CPPED1: variants seen among roughly 807,000 people sequenced by gnomAD.
The protein encoded by CPPED1 is serine/threonine-protein phosphatase CPPED1.
A neutral mutation model predicts 28.0 loss-of-function variants in CPPED1; 28 were observed. The ratio of observed to expected loss-of-function variants is 1.00; its 90% CI spans 0.74 to 1.37. CPPED1 has a LOEUF of 1.37. CPPED1 is among the 40% of genes most tolerant of loss of function. CPPED1 has a pLI of 0.00. For synonymous variants in CPPED1, 198 were observed against 180.2 expected, an observed-to-expected ratio of 1.10 and a Z score of -0.79; for missense variants, 504 against 416.5, an observed-to-expected ratio of 1.21 and a Z score of -1.83.
intron 2 of CPPED1, among the ~76,000 whole-genome samples, chr16:12,749,662 T>A (rs1334261561): frequency 1.3e-5 from 2 of 152,208 alleles, no homozygotes; most frequent in Non-Finnish European, 2.9e-5. Flanking sequence ...CAATCTCAGC[T>A]CACTGCAACC....
chr16:12,666,412 G>A (rs1037789241), intron 3 of CPPED1, among the ~76,000 whole-genome samples: 14 of 152,214 alleles, frequency 9.2e-5, no homozygotes, highest in Non-Finnish European at 2.9e-5. Context: ...CTGGCTCCCT[G>A]CTGGAAGAAG....
At chr16:12,667,670 A>G (rs971427458) in intron 3 of CPPED1, among the ~76,000 whole-genome samples, 1 of 152,216 alleles carries the variant, frequency 6.6e-6, no homozygotes, top group Non-Finnish European at 1.5e-5. Context: ...AAAACTGAGG[A>G]AATGATCCAG....
chr16:12,791,819 T>G (rs2080598423), intron 1 of CPPED1, among the ~76,000 whole-genome samples: 2 of 152,208 alleles, frequency 1.3e-5, no homozygotes, highest in Admixed American at 6.5e-5. Context: ...ATCAGCAGCT[T>G]TTATTATTGA....
chr16:12,724,748 G>A (rs1596460995), intron 2 of CPPED1, among the ~76,000 whole-genome samples: 1 of 152,138 alleles, frequency 6.6e-6, no homozygotes, highest in Non-Finnish European at 1.5e-5. Flanking sequence ...AATGGAAAGC[G>A]TTTTGCATCT....
intron 1 of CPPED1, among the ~76,000 whole-genome samples, chr16:12,788,336 T>C (rs529299987): frequency 1.3e-5 from 2 of 152,316 alleles, no homozygotes; most frequent in South Asian, 2.1e-4. Flanking sequence ...AATATAAACC[T>C]GAGGGCTAGT....
chr16:12,748,034 C>T (rs993269585), intron 2 of CPPED1, among the ~76,000 whole-genome samples: 1 of 152,164 alleles, frequency 6.6e-6, no homozygotes, highest in South Asian at 2.1e-4. Flanking sequence ...AGTGGACATT[C>T]GCACACATTT....
chr16:12,756,024 G>A (rs8054997), intron 2 of CPPED1, among the ~76,000 whole-genome samples: 7,032 of 152,126 alleles, frequency 0.046, 453 homozygotes, highest in African/African-American at 0.14. Flanking sequence ...CCAGCTACTC[G>A]GGAGGCTGAG....
intron 2 of CPPED1, among the ~76,000 whole-genome samples, chr16:12,737,964 T>A (rs995030082): frequency 1.3e-5 from 2 of 152,212 alleles, no homozygotes; most frequent in Admixed American, 6.5e-5. Context: ...CAGGACAAAG[T>A]CATCATGGAA....
chr16:12,715,835 G>T (rs1280706004), intron 2 of CPPED1, among the ~76,000 whole-genome samples: 1 of 152,200 alleles, frequency 6.6e-6, no homozygotes, highest in African/African-American at 2.4e-5. Flanking sequence ...GCCCCAATGG[G>T]ATGGTTTTAA....
chr16:12,756,335 C>A (rs936604880), intron 2 of CPPED1, among the ~76,000 whole-genome samples: 6 of 152,248 alleles, frequency 3.9e-5, no homozygotes, highest in African/African-American at 1.4e-4. Context: ...TGATCTGCAA[C>A]AATGCTGCAT....
intron 3 of CPPED1, among the ~76,000 whole-genome samples, chr16:12,694,782 CCT>C (rs1567278259): frequency 2.0e-5 from 3 of 147,574 alleles, no homozygotes; most frequent in Non-Finnish European, 3.0e-5. Flanking sequence ...AAAACCCCCC[CCT>C]TTTTTTTTTT....
intron 3 of CPPED1, among the ~76,000 whole-genome samples, chr16:12,683,029 A>C (rs1428101679): frequency 6.6e-6 from 1 of 152,236 alleles, no homozygotes; most frequent in Non-Finnish European, 1.5e-5. Context: ...AGGTAGACAG[A>C]CGTGGCGGCC....
chr16:12,748,748 TG>T (rs1326334540), intron 2 of CPPED1, among the ~76,000 whole-genome samples: 1 of 151,950 alleles, frequency 6.6e-6, no homozygotes, highest in East Asian at 1.9e-4. Flanking sequence ...CCGGTTGTGG[TG>T]GTGCACGCCT....
chr16:12,782,206 C>A (rs1013708263), intron 1 of CPPED1, among the ~76,000 whole-genome samples: 14 of 152,114 alleles, frequency 9.2e-5, no homozygotes, highest in Non-Finnish European at 4.4e-5. Flanking sequence ...CCTGCTTGGG[C>A]AGAGCTGGAA....
intron 1 of CPPED1, among the ~76,000 whole-genome samples, chr16:12,795,190 T>C (rs2080620134): frequency 6.6e-6 from 1 of 152,212 alleles, no homozygotes; most frequent in Non-Finnish European, 1.5e-5. Flanking sequence ...TGTAGGCACA[T>C]GGCCAGGCTA....
At chr16:12,722,910 G>A (rs1264727605) in intron 2 of CPPED1, among the ~76,000 whole-genome samples, 1 of 152,152 alleles carries the variant, frequency 6.6e-6, no homozygotes, top group African/African-American at 2.4e-5. Flanking sequence ...ATGTGTGTGG[G>A]TTGGTCTAAT....
At chr16:12,724,376 G>A (rs537915651) in intron 2 of CPPED1, among the ~76,000 whole-genome samples, 1 of 152,230 alleles carries the variant, frequency 6.6e-6, no homozygotes, top group Non-Finnish European at 1.5e-5. Context: ...TTCTCCCGGG[G>A]CTACAGCTCA....
intron 3 of CPPED1, among the ~76,000 whole-genome samples, chr16:12,683,221 G>A (rs1452690945): frequency 6.6e-6 from 1 of 152,128 alleles, no homozygotes; most frequent in Non-Finnish European, 1.5e-5. Flanking sequence ...ATTCTGATCA[G>A]GCGATGATCC....
At chr16:12,732,385 A>G (rs899432140) in intron 2 of CPPED1, among the ~76,000 whole-genome samples, 12 of 151,586 alleles carry the variant, frequency 7.9e-5, no homozygotes, top group African/African-American at 2.9e-4. Flanking sequence ...TGAGGACCAG[A>G]ACAAGAGGTC....
Sources: gnomAD v4.1 joint callset for allele counts (sites outside exome capture counted in the v4.1 genomes callset) on GRCh38, gnomAD v4.1.1 for gene constraint, MANE v1.5 for transcripts, NCBI Gene and HGNC (gene_info 2026-07-23, HGNC 2026-07-21) for gene names.